Variants in CEP128 observed in about 807,000 individuals in gnomAD.
CEP128 encodes centrosomal protein 128.
Under a neutral mutation model 156.7 loss-of-function variants are expected in CEP128, and 132 were observed. The ratio of observed to expected loss-of-function variants is 0.84; its 90% confidence interval spans 0.73 to 0.97. The LOEUF is 0.97. Among genes scored for constraint, CEP128 ranks in the 50% least tolerant of loss-of-function variants. The pLI, the probability that CEP128 is intolerant of heterozygous loss-of-function variation, is 0.00. For missense variants in CEP128, 1,252 were observed against 1,281.9 expected (o/e 0.98, Z 0.36); for synonymous variants, 469 against 448.9 (o/e 1.04, Z -0.57).
chr14:80,688,409 T>C (rs887234849), intron 19 of CEP128, among the ~76,000 whole-genome samples: 1 of 152,144 alleles, frequency 6.6e-6, no homozygotes, highest in African/African-American at 2.4e-5. Context: ...ATGTATAAAT[T>C]CAGTTATTCA....
At chr14:80,518,166 C>T (rs1888578904) in intron 23 of CEP128, among the ~76,000 whole-genome samples, 1 of 149,542 alleles carries the variant, frequency 6.7e-6, no homozygotes. Flanking sequence ...ATTGTCCCTC[C>T]CTCTGTGCTC....
chr14:80,513,931 C>T (rs988451386), intron 23 of CEP128, among the ~76,000 whole-genome samples: 2 of 152,140 alleles, frequency 1.3e-5, no homozygotes, highest in Admixed American at 6.5e-5. Context: ...CCCTCCCAAT[C>T]CTGAAGAGAT....
At chr14:80,702,985 T>C (rs1341232365) in intron 19 of CEP128, among the ~76,000 whole-genome samples, 1 of 152,154 alleles carries the variant, frequency 6.6e-6, no homozygotes, top group Non-Finnish European at 1.5e-5. Flanking sequence ...TGTATGTATG[T>C]ATGTACGTAT....
chr14:80,909,230 G>C (rs1377074685), intron 4 of CEP128, among the ~76,000 whole-genome samples: 2 of 151,790 alleles, frequency 1.3e-5, no homozygotes, highest in African/African-American at 4.8e-5. Flanking sequence ...CATGTTTCTA[G>C]TTGTTCTCAG....
chr14:80,777,874 AT>A lies in CEP128; in HGVS notation c.2376+7del. 6.4e-7 allele frequency: 1 copy of A among 1,569,626 alleles called. No individual in the cohort carries two copies. The highest frequency in any genetic ancestry group is 8.7e-7 in the Non-Finnish European group (1 of 1,146,792). On this transcript the variant is annotated splice_region_variant and intron_variant, in intron 16 of 24. Transcript: ENST00000555265. ...GAATTTGAAATTAGAATTCACTCAT[AT>A]TTTTACCCTTTCTTCTAGTTGATCC...
chr14:80,778,251 T>C (rs756548649), intron 15 of CEP128, among the ~76,000 whole-genome samples: 4 of 152,298 alleles, frequency 2.6e-5, no homozygotes, highest in African/African-American at 7.2e-5. Flanking sequence ...ATTTACGAAG[T>C]GGTAGATACT....
Position 80,743,148 on chromosome 14 carries a change from A to T in CEP128, c.2733T>A (p.Ser911=). Residue 911 remains serine (S), a synonymous_variant, in exon 19 of 25, where the codon TCT becomes TCA. Coordinates refer to ENST00000555265, the MANE Select transcript of CEP128 (RefSeq NM_152446.5). ...TCTGTTGAAAGAGACACTGCAACTC[A>T]GATTCCTTGTTTTCAGTCAAATTCC... ...QLRNLTENKE[S]ELQCLFQQIE... 2.5e-6 allele frequency: 4 copies of T among 1,613,846 alleles called. No individual in the cohort carries two copies. In the South Asian group the frequency reaches 4.4e-5, roughly 18 times the overall value.
intron 19 of CEP128, among the ~76,000 whole-genome samples, chr14:80,736,270 A>AAG (rs199662006): frequency 6.6e-6 from 1 of 150,824 alleles, no homozygotes. Flanking sequence ...AAAAAAAAAA[A>AAG]CACAGCAAAT....
intron 16 of CEP128, among the ~76,000 whole-genome samples, chr14:80,775,821 G>T (rs1294187423): frequency 6.6e-6 from 1 of 152,180 alleles, no homozygotes; most frequent in African/African-American, 2.4e-5. Flanking sequence ...CTGTGAAGCA[G>T]CATGTATTTT....
At chr14:80,541,913 GCTAT>G (rs1202960420) in intron 21 of CEP128, among the ~76,000 whole-genome samples, 4 of 152,162 alleles carry the variant, frequency 2.6e-5, no homozygotes, top group Admixed American at 6.5e-5. Context: ...TCACCTACTG[GCTAT>G]CTGTCTATAG....
At chr14:80,850,898 A>G (rs1001078636) in intron 9 of CEP128, among the ~76,000 whole-genome samples, 2 of 152,210 alleles carry the variant, frequency 1.3e-5, no homozygotes, top group African/African-American at 4.8e-5. Flanking sequence ...TTATTTTTAT[A>G]GAGTTGAATT....
At chr14:80,662,023 T>C (rs771228441) in intron 19 of CEP128, among the ~76,000 whole-genome samples, 2 of 152,120 alleles carry the variant, frequency 1.3e-5, no homozygotes, top group Non-Finnish European at 2.9e-5. Context: ...TGGAGAAACA[T>C]TTTTTCCAGA....
chr14:80,949,963 A>G (rs1295640017), intron 2 of CEP128, among the ~76,000 whole-genome samples: 1 of 152,194 alleles, frequency 6.6e-6, no homozygotes, highest in East Asian at 1.9e-4. Flanking sequence ...AGATATCTTG[A>G]AATTCTAATG....
chr14:80,604,406 C>T (rs765711378), intron 19 of CEP128, among the ~76,000 whole-genome samples: 1 of 152,086 alleles, frequency 6.6e-6, no homozygotes, highest in Non-Finnish European at 1.5e-5. Context: ...TGAAATGTGG[C>T]TAGTGTTTCC....
intron 19 of CEP128, among the ~76,000 whole-genome samples, chr14:80,689,841 CAT>C (rs995477669): frequency 6.7e-6 from 1 of 150,336 alleles, no homozygotes; most frequent in African/African-American, 2.5e-5. Flanking sequence ...TGAATTAAAA[CAT>C]ATATAATTAT....
intron 13 of CEP128, among the ~76,000 whole-genome samples, chr14:80,811,889 T>C (rs757585353): frequency 2.7e-5 from 4 of 150,612 alleles, no homozygotes; most frequent in Non-Finnish European, 4.4e-5. Context: ...AAAAACTTTA[T>C]CTTTTTGATT....
intron 19 of CEP128, among the ~76,000 whole-genome samples, chr14:80,672,711 A>C (rs1895893224): frequency 6.6e-6 from 1 of 152,202 alleles, no homozygotes; most frequent in Non-Finnish European, 1.5e-5. Flanking sequence ...TTTGACTTCT[A>C]AATGAGTTGG....
chr14:80,728,402 A>C (rs2590486), intron 19 of CEP128, among the ~76,000 whole-genome samples: 95,902 of 151,926 alleles, frequency 0.63, 32,567 homozygotes, highest in African/African-American at 0.89. Context: ...GAAAAACTAC[A>C]TATTGGATAC....
chr14:80,699,584 A>G (rs1186232863), intron 19 of CEP128, among the ~76,000 whole-genome samples: 2 of 152,216 alleles, frequency 1.3e-5, no homozygotes, highest in African/African-American at 4.8e-5. Context: ...ATAGGTTTGT[A>G]TTAATCAGAT....
Sources: allele counts gnomAD v4.1 joint callset (sites outside exome capture counted in the v4.1 genomes callset), GRCh38; gene constraint gnomAD v4.1.1; transcripts MANE v1.5; gene names NCBI Gene and HGNC (gene_info 2026-07-23, HGNC 2026-07-21).